Variants in LRBA observed in about 807,000 individuals in gnomAD.
LRBA encodes lipopolysaccharide-responsive and beige-like anchor protein.
Under a neutral mutation model 330.0 loss-of-function variants are expected in LRBA, and 176 were observed. That is an observed-to-expected ratio of 0.53 (90% CI 0.47 to 0.60). The LOEUF is 0.60. LRBA is among the 20% of genes least tolerant of loss of function. LRBA has a pLI of 0.00. For missense variants in LRBA, 3,259 were observed against 3,444.8 expected (o/e 0.95, Z 1.35); for synonymous variants, 1,230 against 1,193.0 (o/e 1.03, Z -0.64).
chr4:150,755,193 A>C (rs552879982), intron 35 of LRBA, among the ~76,000 whole-genome samples: 17 of 152,354 alleles, frequency 1.1e-4, no homozygotes, highest in Admixed American at 7.2e-4. Flanking sequence ...CTCAGAAAGA[A>C]GACATGCAAT....
intron 36 of LRBA, among the ~76,000 whole-genome samples, chr4:150,711,037 AAAAG>A (rs1786143421): frequency 6.6e-6 from 1 of 152,010 alleles, no homozygotes; most frequent in Non-Finnish European, 1.5e-5. Context: ...ACAGACGTAT[AAAAG>A]AAAGCTACAT....
intron 37 of LRBA, among the ~76,000 whole-genome samples, chr4:150,619,324 C>T (rs1776079606): frequency 6.6e-6 from 1 of 152,026 alleles, no homozygotes; most frequent in South Asian, 2.1e-4. Context: ...GCTGATGTGG[C>T]TTTTTTTCCC....
chr4:150,571,105 A>G (rs2152283645), intron 40 of LRBA, among the ~76,000 whole-genome samples: 1 of 152,210 alleles, frequency 6.6e-6, no homozygotes. Flanking sequence ...CCAAGTGGCA[A>G]TCATCTTTCT....
rs568292289 is a variant in LRBA, at chr4:150,792,003, T to C, written c.5580+6078A>G. ...GAAATCGCGCCACTGCACTCCAGCC[T>C]GGGCGACAGAGCAAGGCTCCATCTC... On this transcript the variant is annotated intron_variant, in intron 34 of 56. Coordinates refer to ENST00000651943, the MANE Select transcript of LRBA (RefSeq NM_001364905.1). Among the ~76,000 whole-genome samples, 11 of 110,476 alleles carry C rather than the reference T, an allele frequency of 1.0e-4. No homozygotes were observed. In the East Asian group the frequency reaches 3.2e-3, roughly 32 times the overall value. 72.5% of individuals were successfully genotyped at this position (110,476 alleles called of 152,430 possible).
intron 40 of LRBA, among the ~76,000 whole-genome samples, chr4:150,564,116 T>A (rs977174872): frequency 6.6e-6 from 1 of 152,052 alleles, no homozygotes; most frequent in Non-Finnish European, 1.5e-5. Context: ...GGAGGCATCA[T>A]GCTACCTGAC....
At chr4:150,587,279 C>T (rs888038013) in intron 40 of LRBA, among the ~76,000 whole-genome samples, 5 of 152,146 alleles carry the variant, frequency 3.3e-5, no homozygotes, top group African/African-American at 7.2e-5. Flanking sequence ...TATACATGTA[C>T]ATAACATATG....
chr4:150,738,385 G>C (rs1323830451), intron 35 of LRBA, among the ~76,000 whole-genome samples: 2 of 152,112 alleles, frequency 1.3e-5, no homozygotes, highest in African/African-American at 4.8e-5. Flanking sequence ...ACAAACCTAA[G>C]AGGGTAGAGG....
intron 37 of LRBA, among the ~76,000 whole-genome samples, chr4:150,641,254 A>G (rs1384272504): frequency 2.0e-5 from 3 of 152,196 alleles, no homozygotes; most frequent in African/African-American, 7.2e-5. Context: ...TCAAAATGTA[A>G]TAAGAAATTT....
chr4:150,474,678 A>G (rs1478580901), intron 42 of LRBA, among the ~76,000 whole-genome samples: 1 of 152,138 alleles, frequency 6.6e-6, no homozygotes, highest in East Asian at 1.9e-4. Flanking sequence ...AATGTTTTAT[A>G]CTTTTCATTG....
chr4:150,735,848 G>A (rs1390235591), intron 35 of LRBA, among the ~76,000 whole-genome samples: 3 of 152,108 alleles, frequency 2.0e-5, no homozygotes, highest in Non-Finnish European at 4.4e-5. Context: ...AGGAGTCCCG[G>A]TAGACTACCC....
At chr4:150,691,890 A>G (rs1784172733) in intron 36 of LRBA, among the ~76,000 whole-genome samples, 1 of 152,186 alleles carries the variant, frequency 6.6e-6, no homozygotes, top group African/African-American at 2.4e-5. Context: ...ATGTGAACGA[A>G]TATCAAAAAG....
intron 47 of LRBA, among the ~76,000 whole-genome samples, chr4:150,384,102 G>A (rs780677639): frequency 3.3e-5 from 5 of 151,724 alleles, no homozygotes; most frequent in Non-Finnish European, 7.4e-5. Context: ...TGCAATGTGC[G>A]ATCTCAGCTC....
At chr4:150,630,393 C>T (rs1024191688) in intron 37 of LRBA, among the ~76,000 whole-genome samples, 3 of 151,590 alleles carry the variant, frequency 2.0e-5, no homozygotes, top group Non-Finnish European at 2.9e-5. Context: ...TAACATAATT[C>T]ATCTGGATGT....
intron 36 of LRBA, among the ~76,000 whole-genome samples, chr4:150,714,874 G>C (rs1047470571): frequency 6.6e-6 from 1 of 152,046 alleles, no homozygotes; most frequent in African/African-American, 2.4e-5. Flanking sequence ...TAACAAGCAG[G>C]GTTAAAAACT....
At chr4:150,387,656 C>A (rs1437625365) in intron 47 of LRBA, among the ~76,000 whole-genome samples, 1 of 151,914 alleles carries the variant, frequency 6.6e-6, no homozygotes, top group Non-Finnish European at 1.5e-5. Context: ...ATGTATATAA[C>A]AAATTCTATA....
chr4:150,665,425 C>A (rs1302858582), intron 37 of LRBA, among the ~76,000 whole-genome samples: 1 of 151,722 alleles, frequency 6.6e-6, no homozygotes, highest in African/African-American at 2.4e-5. Context: ...GCCAAGGGTC[C>A]ACCTTGTAAC....
chr4:150,525,356 T>G (rs1171420828), intron 40 of LRBA, among the ~76,000 whole-genome samples: 1 of 152,066 alleles, frequency 6.6e-6, no homozygotes, highest in Non-Finnish European at 1.5e-5. Flanking sequence ...GCCCAAAAGA[T>G]TCATTACTTT....
intron 35 of LRBA, among the ~76,000 whole-genome samples, chr4:150,736,264 C>T (rs989761625): frequency 2.0e-5 from 3 of 152,034 alleles, no homozygotes; most frequent in African/African-American, 7.2e-5. Flanking sequence ...TTTACCCTTG[C>T]CATTTTAAAA....
intron 47 of LRBA, among the ~76,000 whole-genome samples, chr4:150,365,227 G>A (rs1191901655): frequency 2.0e-5 from 3 of 151,908 alleles, no homozygotes; most frequent in Non-Finnish European, 4.4e-5. Flanking sequence ...GGCTGGTCTC[G>A]AACTCCTGGA....
Sources: gnomAD v4.1 joint callset for allele counts (sites outside exome capture counted in the v4.1 genomes callset) on GRCh38, gnomAD v4.1.1 for gene constraint, MANE v1.5 for transcripts, NCBI Gene and HGNC (gene_info 2026-07-23, HGNC 2026-07-21) for gene names.